The following PTPRD variants were observed in gnomAD, a reference collection of about 807,000 sequenced individuals.
The protein encoded by PTPRD is protein tyrosine phosphatase receptor type D, also known as receptor-type tyrosine-protein phosphatase delta.
Under a neutral mutation model 214.5 loss-of-function variants are expected in PTPRD, and 34 were observed. The ratio of observed to expected loss-of-function variants is 0.16; its 90% CI spans 0.12 to 0.21. The LOEUF is 0.21. Ranked by LOEUF, PTPRD falls within the 10% of genes least tolerant of loss-of-function variation. The pLI is 1.00. For synonymous variants in PTPRD, 1,128 were observed against 845.7 expected, an observed-to-expected ratio of 1.33 and a Z score of -5.79; for missense variants, 2,545 against 2,398.7, an observed-to-expected ratio of 1.06 and a Z score of -1.27.
intron 14 of PTPRD, among the ~76,000 whole-genome samples, chr9:8,561,856 A>T (rs533754986): frequency 2.0e-5 from 3 of 151,616 alleles, no homozygotes; most frequent in African/African-American, 7.3e-5. Context: ...ATATTTAGTG[A>T]TCTAAATGTT....
intron 11 of PTPRD, among the ~76,000 whole-genome samples, chr9:8,866,596 C>G (rs148284300): frequency 1.3e-5 from 2 of 152,238 alleles, no homozygotes; most frequent in African/African-American, 4.8e-5. Context: ...TCGACATCTA[C>G]CACAAATGGA....
At chr9:9,934,645 G>A (rs976888836) in intron 5 of PTPRD, among the ~76,000 whole-genome samples, 1 of 149,834 alleles carries the variant, frequency 6.7e-6, no homozygotes. Context: ...TCTCGCAGAG[G>A]TACAAGGAGG....
chr9:8,366,003 C>T (rs568354560), intron 39 of PTPRD, among the ~76,000 whole-genome samples: 3 of 152,300 alleles, frequency 2.0e-5, no homozygotes, highest in East Asian at 3.9e-4. Context: ...GGTAGCAATG[C>T]TAACTGACAG....
chr9:9,278,966 T>C (rs1595057820), intron 9 of PTPRD, among the ~76,000 whole-genome samples: 1 of 151,298 alleles, frequency 6.6e-6, no homozygotes, highest in East Asian at 2.0e-4. Context: ...TGTTTTTGTG[T>C]CACAAAATAA....
At chr9:10,211,982 A>C (rs1284300709) in intron 3 of PTPRD, among the ~76,000 whole-genome samples, 1 of 152,256 alleles carries the variant, frequency 6.6e-6, no homozygotes, top group East Asian at 1.9e-4. Flanking sequence ...CAGCAGGTCA[A>C]TTTTGTCCAT....
intron 11 of PTPRD, among the ~76,000 whole-genome samples, chr9:8,772,395 A>ACATAAG (rs1223402226): frequency 1.7e-4 from 10 of 57,656 alleles, no homozygotes; most frequent in Non-Finnish European, 3.6e-4. Context: ...CAGTACATAA[A>ACATAAG]GAAGTACAGT....
At chr9:9,084,858 C>A (rs2099764696) in intron 10 of PTPRD, among the ~76,000 whole-genome samples, 1 of 152,106 alleles carries the variant, frequency 6.6e-6, no homozygotes, top group Non-Finnish European at 1.5e-5. Flanking sequence ...AAAATATCAA[C>A]ATTTTATTTT....
At chr9:8,792,815 A>T (rs903337035) in intron 11 of PTPRD, among the ~76,000 whole-genome samples, 3 of 151,670 alleles carry the variant, frequency 2.0e-5, no homozygotes, top group African/African-American at 7.3e-5. Context: ...CCTTTTCTCC[A>T]TTTCTCTCCA....
At chr9:9,275,886 T>C (rs115749635) in intron 9 of PTPRD, among the ~76,000 whole-genome samples, 1,736 of 151,162 alleles carry the variant, frequency 0.011, 30 homozygotes, top group African/African-American at 0.04. Context: ...ATTCTTCTAC[T>C]ATACTAGAAT....
chr9:9,820,509 T>C (rs556261939), intron 5 of PTPRD, among the ~76,000 whole-genome samples: 4 of 152,270 alleles, frequency 2.6e-5, no homozygotes, highest in African/African-American at 7.2e-5. Flanking sequence ...TTGTCAATTT[T>C]TGTTGTTGTT....
At chr9:10,564,322 C>T (rs997612688) in intron 2 of PTPRD, among the ~76,000 whole-genome samples, 7 of 150,668 alleles carry the variant, frequency 4.6e-5, no homozygotes, top group African/African-American at 9.7e-5. Context: ...GCCTCATATC[C>T]GAATTTTAAA....
At chr9:9,954,339 A>C (rs1221590557) in intron 4 of PTPRD, among the ~76,000 whole-genome samples, 1 of 149,848 alleles carries the variant, frequency 6.7e-6, no homozygotes, top group African/African-American at 2.4e-5. Flanking sequence ...ATTGTCCTAT[A>C]AACAGTATTA....
chr9:8,736,300 A>C (rs1026953914), intron 11 of PTPRD, among the ~76,000 whole-genome samples: 1 of 152,110 alleles, frequency 6.6e-6, no homozygotes, highest in African/African-American at 2.4e-5. Context: ...TGCAGAGTAC[A>C]CTCTTAATGA....
chr9:10,192,895 G>C (rs773767089), intron 3 of PTPRD, among the ~76,000 whole-genome samples: 1 of 152,152 alleles, frequency 6.6e-6, no homozygotes, highest in South Asian at 2.1e-4. Flanking sequence ...ACAGCCTAAA[G>C]CTTCCTAAGC....
At chr9:8,498,095 T>A (rs552490038) in intron 25 of PTPRD, among the ~76,000 whole-genome samples, 1 of 152,158 alleles carries the variant, frequency 6.6e-6, no homozygotes, top group African/African-American at 2.4e-5. Context: ...GAAGCACTAC[T>A]GCATTTACAG....
intron 12 of PTPRD, among the ~76,000 whole-genome samples, chr9:8,688,564 C>G (rs915047837): frequency 9.2e-5 from 7 of 76,022 alleles, no homozygotes; most frequent in African/African-American, 4.1e-4. Context: ...GACTCTGTCT[C>G]AAAAAAAAAA....
intron 3 of PTPRD, among the ~76,000 whole-genome samples, chr9:10,116,431 G>C (rs951174368): frequency 6.6e-6 from 1 of 152,030 alleles, no homozygotes; most frequent in Non-Finnish European, 1.5e-5. Flanking sequence ...AGAAATCATA[G>C]ATATTTTCGT....
At chr9:8,541,096 A>C (rs2078286585) in intron 14 of PTPRD, among the ~76,000 whole-genome samples, 1 of 152,194 alleles carries the variant, frequency 6.6e-6, no homozygotes, top group African/African-American at 2.4e-5. Flanking sequence ...TAAGCAGTTA[A>C]AGATAACTTA....
chr9:10,610,175 T>C (rs2080583700), intron 2 of PTPRD, among the ~76,000 whole-genome samples: 1 of 152,106 alleles, frequency 6.6e-6, no homozygotes, highest in Non-Finnish European at 1.5e-5. Context: ...AAGGTGACAA[T>C]TTAATCACCC....
Sources: gnomAD v4.1 joint callset for allele counts (sites outside exome capture counted in the v4.1 genomes callset) on GRCh38, gnomAD v4.1.1 for gene constraint, MANE v1.5 for transcripts, NCBI Gene and HGNC (gene_info 2026-07-23, HGNC 2026-07-21) for gene names.